CCDC40: variants seen among roughly 807,000 people sequenced by gnomAD.
CCDC40 encodes coiled-coil domain-containing protein 40.
CCDC40 carries 104 observed loss-of-function variants against 124.5 expected under a neutral mutation model. The observed-to-expected ratio is 0.84, with a 90% CI of 0.71 to 0.98. The LOEUF is 0.98. Ranked by LOEUF, CCDC40 falls within the 50% of genes least tolerant of loss-of-function variation. The pLI, the probability that CCDC40 is intolerant of heterozygous loss-of-function variation, is 0.00. For missense variants in CCDC40, 1,463 were observed against 1,503.9 expected (o/e 0.97, Z 0.45); for synonymous variants, 580 against 602.9 (o/e 0.96, Z 0.56).
At chr17:80,056,018 T>TA (rs2037740131) in intron 7 of CCDC40, among the ~76,000 whole-genome samples, 1 of 44,308 alleles carries the variant, frequency 2.3e-5, no homozygotes, top group South Asian at 1.0e-3. Flanking sequence ...ATATATATAT[T>TA]TTTTTTTTTT....
intron 10 of CCDC40, among the ~76,000 whole-genome samples, chr17:80,079,401 T>C (rs896982594): frequency 6.6e-6 from 1 of 152,162 alleles, no homozygotes; most frequent in Admixed American, 6.6e-5. Context: ...CCGCTTAGTG[T>C]GTCCCGCTCT....
intron 10 of CCDC40, among the ~76,000 whole-genome samples, chr17:80,070,691 G>C (rs1022621235): frequency 3.9e-5 from 6 of 152,134 alleles, no homozygotes; most frequent in South Asian, 4.1e-4. Flanking sequence ...AGGATTGCTT[G>C]AGCCCAGGAG....
chr17:80,089,698 T>C (rs1357024586), intron 16 of CCDC40, 66 bp from the exon 17 acceptor site: 16 of 1,591,232 alleles, frequency 1.0e-5, no homozygotes, highest in Non-Finnish European at 1.4e-5. Flanking sequence ...AGCCTTAGAG[T>C]GTGAGCTCAC....
chr17:80,047,388 T>C lies in CCDC40; in HGVS notation c.662T>C (p.Val221Ala), dbSNP rs760951742. The change falls in exon 4 of 20, where the codon GTC (valine) becomes GCC (alanine). Residue 221 changes from valine to alanine, a missense_variant. Val to Ala is a moderately conservative substitution (Grantham distance 64, BLOSUM62 0). Coordinates refer to ENST00000397545, the MANE Select transcript of CCDC40 (RefSeq NM_017950.4). Reference protein sequence around the residue: ...DIESSDLEEFVSQEPVIPPGV... With the variant: ...DIESSDLEEFASQEPVIPPGV... The stretch of plus-strand genomic sequence containing the variant: ...GAGTCCTCAGACCTGGAGGAGTTCG[T>C]CTCGCAGGAGCCAGGTGCCACCCAC... 87 of 1,612,742 alleles carry C rather than the reference T, an allele frequency of 5.4e-5. No individual in the cohort carries two copies. Among genetic ancestry groups the C allele is most frequent in the Non-Finnish European group, 7.0e-5 (83 of 1,179,634 alleles).
chr17:80,095,866 C>G (rs2038801736), intron 18 of CCDC40, among the ~76,000 whole-genome samples: 1 of 152,232 alleles, frequency 6.6e-6, no homozygotes, highest in African/African-American at 2.4e-5. Context: ...GAGGCCAGCT[C>G]ATGCTGGGGA....
chr17:80,052,820 C>T lies in CCDC40; in HGVS notation c.1159+2537C>T, dbSNP rs372405594. 5.3e-5 allele frequency among the ~76,000 whole-genome samples: 8 copies of T among 151,954 alleles called. No individual in the cohort carries two copies. In the East Asian group the frequency reaches 5.8e-4, roughly 11 times the overall value. On this transcript the variant is annotated intron_variant, in intron 7 of 19. Coordinates refer to ENST00000397545, the MANE Select transcript of CCDC40 (RefSeq NM_017950.4). ...ATCATCATCCCAGAGTGTGCAGAGG[C>T]GCCAACTGGTAGTCTCATGAGATTT...
chr17:80,093,044 A>G (rs184102282), intron 17 of CCDC40, among the ~76,000 whole-genome samples: 3 of 152,302 alleles, frequency 2.0e-5, no homozygotes, highest in African/African-American at 7.2e-5. Context: ...ACTACCGTCC[A>G]GTCCTTGTTG....
chr17:80,037,063 G>T (rs908126096), intron 1 of CCDC40, among the ~76,000 whole-genome samples: 1 of 152,158 alleles, frequency 6.6e-6, no homozygotes, highest in Non-Finnish European at 1.5e-5. Flanking sequence ...GCTCTGCAGG[G>T]CGCGGGGCTG....
intron 3 of CCDC40, among the ~76,000 whole-genome samples, chr17:80,046,556 T>TAATAATAATAATAATAATAAA (rs1482898475): frequency 5.3e-5 from 8 of 151,236 alleles, no homozygotes; most frequent in African/African-American, 2.0e-4. Flanking sequence ...ATAATAATAA[T>TAATAATAATAATAATAATAAA]AAAAGAGTGG....
chr17:80,059,335 A>G (rs1056721806), intron 9 of CCDC40, among the ~76,000 whole-genome samples: 1 of 150,432 alleles, frequency 6.6e-6, no homozygotes, highest in African/African-American at 2.5e-5. Context: ...AACAATTCTC[A>G]CCCCCGTGGG....
At chr17:80,064,898 C>G (rs2037996623) in intron 9 of CCDC40, among the ~76,000 whole-genome samples, 1 of 152,066 alleles carries the variant, frequency 6.6e-6, no homozygotes, top group Non-Finnish European at 1.5e-5. Context: ...TCCATCATGG[C>G]CTCCCTACAG....
At chr17:80,077,700 C>G (rs1426370040) in intron 10 of CCDC40, among the ~76,000 whole-genome samples, 1 of 152,196 alleles carries the variant, frequency 6.6e-6, no homozygotes, top group African/African-American at 2.4e-5. Context: ...TGGTGCATCG[C>G]CTTGCGGTCT....
At chr17:80,071,344 C>T (rs1471437572) in intron 10 of CCDC40, among the ~76,000 whole-genome samples, 1 of 152,218 alleles carries the variant, frequency 6.6e-6, no homozygotes, top group Non-Finnish European at 1.5e-5. Flanking sequence ...GCCTCACAGC[C>T]TCCTCCCAGG....
At chr17:80,040,547 C>T (rs1012367970) in intron 3 of CCDC40, 8 of 441,732 alleles carry the variant, frequency 1.8e-5, no homozygotes, top group Admixed American at 3.7e-5. Flanking sequence ...GGCGTGGTGG[C>T]GCACGCCTGT....
chr17:80,075,253 C>T (rs1018952903), intron 10 of CCDC40, among the ~76,000 whole-genome samples: 1 of 148,552 alleles, frequency 6.7e-6, no homozygotes, highest in Non-Finnish European at 1.5e-5. Flanking sequence ...GCATGAGCCA[C>T]CGTGCCTGGC....
intron 17 of CCDC40, chr17:80,090,606 GAGAC>G (rs1445738172): frequency 9.5e-6 from 14 of 1,478,030 alleles, no homozygotes; most frequent in African/African-American, 2.8e-5. Context: ...ATCCCACTGT[GAGAC>G]AGTCTCACAC....
chr17:80,097,194 C>T (rs775986943), intron 18 of CCDC40, 51 bp from the exon 19 acceptor site: 62 of 1,604,132 alleles, frequency 3.9e-5, no homozygotes, highest in Non-Finnish European at 4.8e-5. Flanking sequence ...CTTCCCTGTC[C>T]GCCAAGTAGC....
At chr17:80,067,586 A>G (rs866931438) in intron 10 of CCDC40, 9 of 1,536,122 alleles carry the variant, frequency 5.9e-6, no homozygotes, top group Middle Eastern at 1.7e-4. Context: ...CCGCTGGGAT[A>G]CTTCTACGGG....
chr17:80,065,480 T>C lies in CCDC40; in HGVS notation c.1441-5T>C. On this transcript the variant is annotated splice_region_variant and splice_polypyrimidine_tract_variant and intron_variant, in intron 9 of 19. Transcript: ENST00000397545. ...CATTCCTGCCCCCTCCCCTGTTGGC[T>C]GCAGGCCTGCACCGAGATCGACGCC... 2.5e-6 allele frequency: 4 copies of C among 1,611,692 alleles called. No individual in the cohort carries two copies. Among genetic ancestry groups the C allele is most frequent in the Non-Finnish European group, 3.4e-6 (4 of 1,179,400 alleles).
Sources: allele counts gnomAD v4.1 joint callset (sites outside exome capture counted in the v4.1 genomes callset), GRCh38; gene constraint gnomAD v4.1.1; transcripts MANE v1.5; gene names NCBI Gene and HGNC (gene_info 2026-07-23, HGNC 2026-07-21).